The following PRSS23 variants were observed in gnomAD, a reference collection of about 807,000 sequenced individuals.
The protein encoded by PRSS23 is serine protease 23, also known as protease, serine 23.
PRSS23 carries 25 observed loss-of-function variants against 34.7 expected under a neutral mutation model. The observed-to-expected ratio is 0.72, with a 90% CI of 0.53 to 1.01. PRSS23 has a LOEUF of 1.01. Among genes scored for constraint, PRSS23 ranks in the 50% least tolerant of loss-of-function variants. The probability of loss-of-function intolerance (pLI) is 0.00; values close to 1 mark genes in which losing one functional copy is unlikely to be tolerated. For synonymous variants in PRSS23, 176 were observed against 186.6 expected, an observed-to-expected ratio of 0.94 and a Z score of 0.46; for missense variants, 445 against 475.6, an observed-to-expected ratio of 0.94 and a Z score of 0.60.
chr11:86,948,573 T>C (rs1949263703), intron 2 of PRSS23: 1 of 152,286 alleles, frequency 6.6e-6, no homozygotes, highest in African/African-American at 2.4e-5. Flanking sequence ...AATGGCCACT[T>C]CTGATCAAAT....
At chr11:86,817,259 A>T (rs540222053) in intron 1 of PRSS23, among the ~76,000 whole-genome samples, 1 of 151,972 alleles carries the variant, frequency 6.6e-6, no homozygotes, top group Non-Finnish European at 1.5e-5. Context: ...ATAACTTTTT[A>T]TATGGTGTTC....
rs1338214277 is a variant in PRSS23 at position 86,939,404 on chromosome 11, ATATAT to A, written c.207-11811_207-11807del. 2.3e-3 allele frequency among the ~76,000 whole-genome samples: 137 copies of A among 58,768 alleles called. 1 individual carries two copies. The highest frequency in any genetic ancestry group is 0.015 in the East Asian group (28 of 1,900). 38.6% of individuals were successfully genotyped at this position (58,768 alleles called of 152,430 possible). A position where few individuals can be genotyped will look rare whatever the true frequency, so the allele number is the denominator to read the frequency against. ...TCCTATTTCTCAGTTAAAAAAAAAAATATATATATATATATATATATATTTTTTAA... is the reference window on the plus strand; with the variant it reads ...TCCTATTTCTCAGTTAAAAAAAAAAAATATATATATATATATATTTTTTAA... On this transcript the variant is annotated intron_variant, in intron 2 of 2. Transcript: ENST00000533902.
At chr11:86,951,057 A>G in intron 2 of PRSS23, 1 of 1,403,170 alleles carries the variant, frequency 7.1e-7, no homozygotes, top group South Asian at 1.2e-5. Context: ...ACTGAGATTC[A>G]CTGCATAAAA....
rs532785395 is a variant in PRSS23, at chr11:86,940,618, CCT to C, written c.207-10597_207-10596del. ...TTGCTTTCAAACTTTTGCCGACTCC[CCT>C]GTGCTGAGCGCAGGAGAGAATACGG... is the stretch of plus-strand genomic sequence containing the variant. On this transcript the variant is annotated intron_variant, in intron 2 of 2. Coordinates refer to the PRSS23 transcript ENST00000533902. Among the ~76,000 whole-genome samples the C allele has an allele frequency of 1.8e-3, 270 of 152,252 alleles. 1 individual carries two copies. Among genetic ancestry groups the C allele is most frequent in the African/African-American group, 6.0e-3 (250 of 41,568 alleles).
intron 2 of PRSS23, among the ~76,000 whole-genome samples, chr11:86,864,647 C>T (rs1948638584): frequency 6.7e-6 from 1 of 150,136 alleles, no homozygotes; most frequent in African/African-American, 2.5e-5. Flanking sequence ...CATTACCACA[C>T]ACTTAGTAGC....
At position 86,915,548 on chromosome 11, in the gene PRSS23, A is replaced by G. The variant is rs1470178101; in HGVS notation, c.207-35668A>G. Reference sequence around the variant, plus strand: ...TAGAGTCGTAATAATAATATATATTATATATATAAAACTAATATATAATGT... The same window carrying G: ...TAGAGTCGTAATAATAATATATATTGTATATATAAAACTAATATATAATGT... On this transcript the variant is annotated intron_variant, in intron 2 of 2. Transcript: ENST00000533902. Among the ~76,000 whole-genome samples the G allele has an allele frequency of 4.0e-5, 6 of 148,262 alleles. No individual in the cohort carries two copies. In the South Asian group the frequency reaches 1.3e-3, roughly 31 times the overall value.
At chr11:86,852,550 T>C (rs1217352170) in intron 2 of PRSS23, among the ~76,000 whole-genome samples, 1 of 152,108 alleles carries the variant, frequency 6.6e-6, no homozygotes, top group Non-Finnish European at 1.5e-5. Flanking sequence ...ATATACCACA[T>C]ATAAATATTA....
intron 2 of PRSS23, among the ~76,000 whole-genome samples, chr11:86,899,242 G>A (rs527375614): frequency 6.6e-6 from 1 of 152,250 alleles, no homozygotes; most frequent in South Asian, 2.1e-4. Context: ...ACCCTGGCCA[G>A]GCGTGGCTTC....
At chr11:86,937,298 A>G (rs1318564185) in intron 2 of PRSS23, 1 of 152,184 alleles carries the variant, frequency 6.6e-6, no homozygotes, top group African/African-American at 2.4e-5. Context: ...TCAATTGTAG[A>G]CTCTCTGCCT....
intron 2 of PRSS23, among the ~76,000 whole-genome samples, chr11:86,839,802 T>A (rs1188020808): frequency 2.0e-5 from 3 of 150,670 alleles, no homozygotes; most frequent in Non-Finnish European, 4.4e-5. Context: ...ATATTCAGCA[T>A]TCCTAAAGGA....
intron 2 of PRSS23, among the ~76,000 whole-genome samples, chr11:86,831,430 A>G (rs1215044596): frequency 6.6e-6 from 1 of 151,840 alleles, no homozygotes; most frequent in Non-Finnish European, 1.5e-5. Context: ...TCCTAATGTC[A>G]TAGCAGGTGT....
At position 86,808,193 on chromosome 11, in the gene PRSS23, G is replaced by A. The variant is rs1220066743; in HGVS notation, c.550G>A (p.Val184Met). The change falls in exon 2 of 2, where the codon GTG (valine) becomes ATG (methionine). Residue 184 changes from valine (V) to methionine (M), a missense_variant. Val to Met is a conservative substitution (Grantham distance 21). Transcript: ENST00000280258. ...CTGCATACACGATGGAAAAACCTAT[G>A]TGAAAGGAACCCAGAAGCTTCGAGT... Reference protein sequence around the residue: ...AHCIHDGKTYVKGTQKLRVGF... With the variant: ...AHCIHDGKTYMKGTQKLRVGF... 1.9e-6 allele frequency: 3 copies of A among 1,614,042 alleles called. No homozygotes were observed. Among genetic ancestry groups the A allele is most frequent in the African/African-American group, 1.3e-5 (1 of 74,944 alleles).
intron 2 of PRSS23, chr11:86,932,636 G>C (rs1449870775): frequency 6.6e-6 from 1 of 151,508 alleles, no homozygotes; most frequent in Non-Finnish European, 1.5e-5. Context: ...ATACATCTCT[G>C]ATTATTTGCT....
intron 2 of PRSS23, among the ~76,000 whole-genome samples, chr11:86,885,498 A>C (rs1354875156): frequency 6.6e-6 from 1 of 152,228 alleles, no homozygotes; most frequent in Non-Finnish European, 1.5e-5. Context: ...CATTTGAATC[A>C]GTGGACTGTG....
chr11:86,826,837 T>G (rs1278448200), intron 2 of PRSS23, among the ~76,000 whole-genome samples: 1 of 152,232 alleles, frequency 6.6e-6, no homozygotes, highest in African/African-American at 2.4e-5. Flanking sequence ...ATCCCAGGGA[T>G]GAAGCCCACT....
chr11:86,807,032 A>T (rs1418433923), intron 1 of PRSS23, among the ~76,000 whole-genome samples: 1 of 152,124 alleles, frequency 6.6e-6, no homozygotes, highest in Non-Finnish European at 1.5e-5. Context: ...CAAAACAAAA[A>T]ATCTCATACC....
intron 2 of PRSS23, among the ~76,000 whole-genome samples, chr11:86,888,913 G>A (rs1204597486): frequency 1.3e-5 from 2 of 152,236 alleles, no homozygotes; most frequent in East Asian, 1.9e-4. Context: ...CTGGGAACTT[G>A]CTGCCGGGGT....
intron 2 of PRSS23, among the ~76,000 whole-genome samples, chr11:86,871,289 C>T (rs923887863): frequency 5.9e-5 from 9 of 152,074 alleles, no homozygotes; most frequent in Non-Finnish European, 1.0e-4. Context: ...TCTGAGTTTT[C>T]GATGGGATTT....
chr11:86,830,219 C>T (rs958794889), intron 2 of PRSS23, among the ~76,000 whole-genome samples: 1 of 152,354 alleles, frequency 6.6e-6, no homozygotes, highest in East Asian at 1.9e-4. Flanking sequence ...CCCAGCCTCA[C>T]TGCCACCTTG....
Sources: gnomAD v4.1 joint callset for allele counts (sites outside exome capture counted in the v4.1 genomes callset) on GRCh38, gnomAD v4.1.1 for gene constraint, MANE v1.5 for transcripts, NCBI Gene and HGNC (gene_info 2026-07-23, HGNC 2026-07-21) for gene names.